UBE3A: variants seen among roughly 807,000 people sequenced by gnomAD.
The protein encoded by UBE3A is ubiquitin protein ligase E3A.
Under a neutral mutation model 83.4 loss-of-function variants are expected in UBE3A, and 6 were observed. The ratio of observed to expected loss-of-function variants is 0.07; its 90% confidence interval spans 0.04 to 0.14. The LOEUF (loss-of-function observed/expected upper bound fraction) is 0.14, where lower values mean the gene tolerates loss of function less well. Ranked by LOEUF, UBE3A falls within the 10% of genes least tolerant of loss-of-function variation. UBE3A has a pLI of 1.00. For missense variants in UBE3A, 456 were observed against 1,036.1 expected, an observed-to-expected ratio of 0.44 and a Z score of 7.69; for synonymous variants, 337 against 355.4, an observed-to-expected ratio of 0.95 and a Z score of 0.58.
chr15:25,362,522 C>A (rs558876113), intron 6 of UBE3A, among the ~76,000 whole-genome samples: 1 of 152,088 alleles, frequency 6.6e-6, no homozygotes, highest in African/African-American at 2.4e-5. Context: ...CGAGTGTTAC[C>A]TTTTAAAATA....
intron 4 of UBE3A, among the ~76,000 whole-genome samples, chr15:25,398,934 C>T (rs376847115): frequency 5.9e-4 from 89 of 150,598 alleles, no homozygotes; most frequent in African/African-American, 2.1e-3. Flanking sequence ...TCCTGCCATG[C>T]GCAATATATC....
At chr15:25,356,108 C>G in intron 8 of UBE3A, 52 bp from the exon 9 acceptor site, 1 of 1,586,340 alleles carries the variant, frequency 6.3e-7, no homozygotes. Flanking sequence ...CAAAATACAA[C>G]AAATAATTTA....
At chr15:25,412,058 A>G (rs1366906735) in intron 1 of UBE3A, 87 bp from the exon 2 acceptor site, 1 of 152,210 alleles carries the variant, frequency 6.6e-6, no homozygotes, top group Admixed American at 6.5e-5. Context: ...TTCATCATAA[A>G]GGCAAATTTA....
intron 1 of UBE3A, among the ~76,000 whole-genome samples, chr15:25,430,051 T>TATATATATATA (rs1567190959): frequency 6.4e-5 from 5 of 78,046 alleles, no homozygotes; most frequent in African/African-American, 1.5e-4. Context: ...ATATATATAT[T>TATATATATATA]TATATGTATT....
rs1394588517 is a variant in UBE3A at position 25,336,482 on chromosome 15, T to C, written c.*2655A>G. On this transcript the variant is annotated 3_prime_UTR_variant, in exon 13 of 13. Transcript: ENST00000648336. Reference sequence around the variant, plus strand: ...ATTACAACCATCTGTTCTAACAGAATGTCTGTACCGAGGAGGGATGAGTAA... The same window carrying C: ...ATTACAACCATCTGTTCTAACAGAACGTCTGTACCGAGGAGGGATGAGTAA... 1.3e-5 allele frequency: 2 copies of C among 152,338 alleles called. No individual in the cohort carries two copies. The highest frequency in any genetic ancestry group is 2.1e-4 in the South Asian group (1 of 4,824). 9.4% of individuals were successfully genotyped at this position (152,338 alleles called of 1,614,324 possible). A position where few individuals can be genotyped will look rare whatever the true frequency, so the allele number is the denominator to read the frequency against.
chr15:25,433,282 C>G (rs2153187332), intron 1 of UBE3A, among the ~76,000 whole-genome samples: 1 of 151,264 alleles, frequency 6.6e-6, no homozygotes, highest in East Asian at 1.9e-4. Context: ...CTCCCGTGTT[C>G]AAGCGTTTCC....
intron 4 of UBE3A, among the ~76,000 whole-genome samples, chr15:25,395,489 T>C (rs976028510): frequency 3.3e-5 from 5 of 152,178 alleles, no homozygotes; most frequent in Admixed American, 2.0e-4. Context: ...CAACAAGATT[T>C]ACCAATAATT....
intron 4 of UBE3A, among the ~76,000 whole-genome samples, chr15:25,392,724 G>C (rs949576484): frequency 6.6e-6 from 1 of 152,124 alleles, no homozygotes; most frequent in African/African-American, 2.4e-5. Context: ...GTTTCAGATA[G>C]AGGAAAATGA....
intron 11 of UBE3A, among the ~76,000 whole-genome samples, chr15:25,348,271 AAAAC>A (rs1298116183): frequency 1.3e-5 from 2 of 152,168 alleles, no homozygotes; most frequent in African/African-American, 4.8e-5. Context: ...GTATGTGAAA[AAAAC>A]AATTCAATGA....
At chr15:25,423,804 T>G (rs898417368) in intron 1 of UBE3A, among the ~76,000 whole-genome samples, 4 of 152,206 alleles carry the variant, frequency 2.6e-5, no homozygotes, top group African/African-American at 9.6e-5. Flanking sequence ...TTCTCTCAGC[T>G]GCTCTGGTCA....
chr15:25,346,200 C>T (rs2075661208), intron 11 of UBE3A: 1 of 152,288 alleles, frequency 6.6e-6, no homozygotes, highest in African/African-American at 2.4e-5. Flanking sequence ...CCACGAAAAT[C>T]TAGTGGGGGT....
intron 3 of UBE3A, chr15:25,408,284 C>T (rs1342408922): frequency 5.6e-6 from 2 of 358,662 alleles, no homozygotes; most frequent in East Asian, 6.2e-5. Flanking sequence ...ACTTTGGCTC[C>T]TAAAGAGTCT....
chr15:25,405,899 A>G (rs1230355568), intron 3 of UBE3A, among the ~76,000 whole-genome samples: 1 of 152,158 alleles, frequency 6.6e-6, no homozygotes, highest in Non-Finnish European at 1.5e-5. Flanking sequence ...ACAGTATTAA[A>G]CTTTAGATTA....
rs1379462443 is a variant in UBE3A at position 25,337,575 on chromosome 15, C to T, written c.*1562G>A. The T allele has an allele frequency of 1.3e-5, 2 of 151,980 alleles. No individual in the cohort carries two copies. Among genetic ancestry groups the T allele is most frequent in the African/African-American group, 4.8e-5 (2 of 41,392 alleles). 9.4% of individuals were successfully genotyped at this position (151,980 alleles called of 1,614,324 possible). The stretch of plus-strand genomic sequence containing the variant: ...TATGAAAAAAATTAATTAAAATAAT[C>T]CTGAAAGACATCCTTTTTCTCCCCC... On this transcript the variant is annotated 3_prime_UTR_variant, in exon 13 of 13. Transcript: ENST00000648336.
chr15:25,418,832 G>C (rs1221271121), intron 1 of UBE3A: 1 of 152,108 alleles, frequency 6.6e-6, no homozygotes, highest in Non-Finnish European at 1.5e-5. Flanking sequence ...AGTGAAATTA[G>C]TGAGTCTTTC....
chr15:25,334,952 G>C lies in UBE3A; in HGVS notation c.*4185C>G, dbSNP rs2073888044. 6.6e-6 allele frequency: 1 copy of C among 150,660 alleles called. No homozygotes were observed. The highest frequency in any genetic ancestry group is 2.4e-5 in the African/African-American group (1 of 41,020). The allele number at this position is 150,660 out of a possible 1,614,324, so 9.3% of individuals were successfully genotyped here. A position where few individuals can be genotyped will look rare whatever the true frequency, so the allele number is the denominator to read the frequency against. On this transcript the variant is annotated 3_prime_UTR_variant, in exon 13 of 13. Coordinates refer to ENST00000648336, the MANE Select transcript of UBE3A (RefSeq NM_130839.5). ...AGGTGGCAACACTGACAAGATAACAGAAAGATGGAGGTAATAACATGTGAA... is the reference window on the plus strand; with the variant it reads ...AGGTGGCAACACTGACAAGATAACACAAAGATGGAGGTAATAACATGTGAA...
intron 8 of UBE3A, 134 bp from the exon 9 acceptor site, chr15:25,356,190 A>C: frequency 9.3e-7 from 1 of 1,074,122 alleles, no homozygotes; most frequent in Non-Finnish European, 1.4e-6. Flanking sequence ...GTATCCCTCC[A>C]GTCCCCCAAA....
intron 2 of UBE3A, among the ~76,000 whole-genome samples, chr15:25,410,684 T>C (rs1353243380): frequency 1.3e-5 from 2 of 152,168 alleles, no homozygotes; most frequent in Non-Finnish European, 2.9e-5. Context: ...GGCTTCAAAA[T>C]CCAGATTAGG....
chr15:25,427,087 T>C (rs1430007036), intron 1 of UBE3A, among the ~76,000 whole-genome samples: 1 of 152,148 alleles, frequency 6.6e-6, no homozygotes, highest in East Asian at 1.9e-4. Flanking sequence ...GTAACATTTC[T>C]AGTTGGGGAA....
Sources: allele counts gnomAD v4.1 joint callset (sites outside exome capture counted in the v4.1 genomes callset), GRCh38; gene constraint gnomAD v4.1.1; transcripts MANE v1.5; gene names NCBI Gene and HGNC (gene_info 2026-07-23, HGNC 2026-07-21).